Variants in ELMO1 observed in about 807,000 individuals in gnomAD.
The protein encoded by ELMO1 is engulfment and cell motility 1, also known as engulfment and cell motility protein 1.
In ELMO1, 26 loss-of-function variants were observed where a neutral mutation model predicts 98.9. The observed-to-expected ratio is 0.26, with a 90% CI of 0.19 to 0.36. The LOEUF (loss-of-function observed/expected upper bound fraction) is 0.36, where lower values mean the gene tolerates loss of function less well. Ranked by LOEUF, ELMO1 falls within the 10% of genes least tolerant of loss-of-function variation. The pLI is 1.00. For missense variants in ELMO1, 627 were observed against 935.2 expected, an observed-to-expected ratio of 0.67 and a Z score of 4.30; for synonymous variants, 346 against 346.0, an observed-to-expected ratio of 1.00 and a Z score of 0.00.
chr7:37,085,717 T>C (rs1364754026), intron 15 of ELMO1, among the ~76,000 whole-genome samples: 4 of 152,160 alleles, frequency 2.6e-5, no homozygotes, highest in African/African-American at 4.8e-5. Context: ...TAGGGAAAGA[T>C]GGTTTTTGCA....
intron 1 of ELMO1, among the ~76,000 whole-genome samples, chr7:37,344,428 T>C (rs1185903417): frequency 6.6e-6 from 1 of 152,256 alleles, no homozygotes; most frequent in Non-Finnish European, 1.5e-5. Flanking sequence ...AGCTACATAG[T>C]AGTTCATTGT....
chr7:37,112,202 G>C (rs1322125894), intron 14 of ELMO1, among the ~76,000 whole-genome samples: 1 of 152,148 alleles, frequency 6.6e-6, no homozygotes, highest in Non-Finnish European at 1.5e-5. Context: ...GGGCAAAAGA[G>C]ATGGTTCCTG....
At position 36,925,268 on chromosome 7, in the gene ELMO1, C is replaced by T. The variant is rs142737413; in HGVS notation, c.1438-30251G>A. Among the ~76,000 whole-genome samples, 262 of 152,318 alleles carry T rather than the reference C, an allele frequency of 1.7e-3. 1 individual carries two copies. The highest frequency in any genetic ancestry group is 6.1e-3 in the African/African-American group (253 of 41,570). On this transcript the variant is annotated intron_variant, in intron 16 of 21. Transcript: ENST00000310758. ...GTCTAAAAATAAAACCATTTTTATA[C>T]TTCAAGGAACAAACAAAGCGATCAT...
chr7:37,326,499 G>T (rs900736206), intron 2 of ELMO1, among the ~76,000 whole-genome samples: 9 of 149,380 alleles, frequency 6.0e-5, no homozygotes, highest in Non-Finnish European at 1.3e-4. Context: ...AGGCTGCAGT[G>T]AGCCGAGATC....
chr7:37,356,242 G>C (rs1049094274), intron 1 of ELMO1, among the ~76,000 whole-genome samples: 3 of 152,110 alleles, frequency 2.0e-5, no homozygotes, highest in African/African-American at 7.2e-5. Context: ...TTGTTATTGT[G>C]AACAGTGCTA....
intron 16 of ELMO1, among the ~76,000 whole-genome samples, chr7:36,930,432 T>C (rs1361459604): frequency 1.3e-5 from 2 of 152,236 alleles, no homozygotes; most frequent in Non-Finnish European, 2.9e-5. Context: ...AAATGAAAAC[T>C]ACAATTTCCT....
chr7:37,040,954 C>G (rs1042812804), intron 15 of ELMO1, among the ~76,000 whole-genome samples: 3 of 152,126 alleles, frequency 2.0e-5, no homozygotes, highest in African/African-American at 7.2e-5. Context: ...GTGGCACATG[C>G]CTGTAATTCC....
At chr7:37,291,718 C>A (rs1797688521) in intron 4 of ELMO1, among the ~76,000 whole-genome samples, 1 of 152,142 alleles carries the variant, frequency 6.6e-6, no homozygotes, top group Non-Finnish European at 1.5e-5. Flanking sequence ...AGTTTGAGAC[C>A]AGCCTGGCCA....
chr7:37,181,859 T>G (rs555110485), intron 13 of ELMO1, among the ~76,000 whole-genome samples: 8 of 152,328 alleles, frequency 5.3e-5, no homozygotes, highest in Non-Finnish European at 1.2e-4. Flanking sequence ...CAACAGGCAT[T>G]GCTGATTACT....
chr7:37,071,772 C>G (rs890117956), intron 15 of ELMO1, among the ~76,000 whole-genome samples: 2 of 152,048 alleles, frequency 1.3e-5, no homozygotes, highest in African/African-American at 4.8e-5. Flanking sequence ...TTTAATTTTG[C>G]TAGTAGATTA....
chr7:37,125,968 TA>T (rs898385344), intron 14 of ELMO1, among the ~76,000 whole-genome samples: 41 of 152,104 alleles, frequency 2.7e-4, no homozygotes, highest in African/African-American at 9.9e-4. Context: ...TATGCAGCCA[TA>T]AAAAATGATG....
chr7:36,969,234 A>G (rs950808151), intron 16 of ELMO1, among the ~76,000 whole-genome samples: 3 of 152,100 alleles, frequency 2.0e-5, no homozygotes, highest in African/African-American at 7.2e-5. Context: ...CATCACAGCT[A>G]TATTTAAAGG....
rs1434467812 is a variant in ELMO1, at chr7:37,292,679, C to G, written c.193-20797G>C. The stretch of plus-strand genomic sequence containing the variant: ...AGGAGCCCCTCCGCCCAGCAGCCAC[C>G]CCGTCTGGGAAGTGAGGAGCGTCTC... On this transcript the variant is annotated intron_variant, in intron 4 of 21. Transcript: ENST00000310758. Among the ~76,000 whole-genome samples the G allele has an allele frequency of 2.8e-5, 3 of 108,542 alleles. 1 individual carries two copies. The highest frequency in any genetic ancestry group is 4.5e-3 in the Middle Eastern group (1 of 222). The allele number at this position is 108,542 out of a possible 152,430, so 71.2% of individuals were successfully genotyped here.
At chr7:37,398,830 G>A (rs1327077678) in intron 1 of ELMO1, among the ~76,000 whole-genome samples, 2 of 152,126 alleles carry the variant, frequency 1.3e-5, no homozygotes, top group Non-Finnish European at 2.9e-5. Context: ...TACAATGTGG[G>A]GCCCTCCTTC....
chr7:36,964,096 C>T (rs1369894694), intron 16 of ELMO1, among the ~76,000 whole-genome samples: 1 of 152,142 alleles, frequency 6.6e-6, no homozygotes, highest in Non-Finnish European at 1.5e-5. Context: ...CTGATTAAGG[C>T]TTGCACTCCC....
At chr7:37,363,977 C>T (rs937356292) in intron 1 of ELMO1, among the ~76,000 whole-genome samples, 1 of 152,154 alleles carries the variant, frequency 6.6e-6, no homozygotes, top group African/African-American at 2.4e-5. Flanking sequence ...CCACTCTCAC[C>T]CATGCTTCTT....
intron 15 of ELMO1, among the ~76,000 whole-genome samples, chr7:37,067,143 C>A (rs1261193839): frequency 6.6e-6 from 1 of 152,196 alleles, no homozygotes; most frequent in Admixed American, 6.5e-5. Flanking sequence ...CTCATCCATT[C>A]ATTTTTAGGT....
intron 15 of ELMO1, among the ~76,000 whole-genome samples, chr7:37,057,061 T>C (rs1444899001): frequency 6.6e-6 from 1 of 152,134 alleles, no homozygotes; most frequent in Admixed American, 6.5e-5. Flanking sequence ...ATAGAAAAGA[T>C]GAGGAAGAGG....
intron 4 of ELMO1, among the ~76,000 whole-genome samples, chr7:37,303,123 T>A (rs1372537168): frequency 6.6e-6 from 1 of 152,204 alleles, no homozygotes; most frequent in Non-Finnish European, 1.5e-5. Context: ...GTTATTCCAT[T>A]AAACAAATGT....
Sources: allele counts gnomAD v4.1 joint callset (sites outside exome capture counted in the v4.1 genomes callset), GRCh38; gene constraint gnomAD v4.1.1; transcripts MANE v1.5; gene names NCBI Gene and HGNC (gene_info 2026-07-23, HGNC 2026-07-21).